TTC17: variants seen among roughly 807,000 people sequenced by gnomAD.
The protein encoded by TTC17 is tetratricopeptide repeat protein 17.
Under a neutral mutation model 143.8 loss-of-function variants are expected in TTC17, and 58 were observed. That is an observed-to-expected ratio of 0.40 (90% CI 0.33 to 0.50). TTC17 has a LOEUF of 0.50. Ranked by LOEUF, TTC17 falls within the 20% of genes least tolerant of loss-of-function variation. The pLI, the probability that TTC17 is intolerant of heterozygous loss-of-function variation, is 0.49. For missense variants in TTC17, 1,273 were observed against 1,392.5 expected (o/e 0.91, Z 1.37); for synonymous variants, 501 against 497.8 (o/e 1.01, Z -0.09).
At chr11:43,433,300 A>T (rs564503524) in intron 16 of TTC17, among the ~76,000 whole-genome samples, 2 of 152,160 alleles carry the variant, frequency 1.3e-5, no homozygotes, top group African/African-American at 4.8e-5. Flanking sequence ...CGCCTGGCCA[A>T]ACTGGTCTGT....
chr11:43,377,065 G>A (rs148419969), intron 1 of TTC17, among the ~76,000 whole-genome samples: 13,272 of 152,154 alleles, frequency 0.087, 891 homozygotes, highest in Admixed American at 0.23. Flanking sequence ...GGGCCGAGGC[G>A]GGCGAATCAC....
chr11:43,480,673 C>T (rs1024447181), intron 21 of TTC17, among the ~76,000 whole-genome samples: 15 of 151,882 alleles, frequency 9.9e-5, no homozygotes, highest in African/African-American at 3.1e-4. Context: ...CAAAGTAGAA[C>T]GTATATTTAA....
rs373121450 is a variant in TTC17 at position 43,448,105 on chromosome 11, T to C, written c.2769T>C (p.Val923=). The C allele has an allele frequency of 4.0e-5, 64 of 1,613,954 alleles. 1 individual carries two copies. The highest frequency in any genetic ancestry group is 5.4e-5 in the Non-Finnish European group (64 of 1,179,974). ...LTAIVSTWLA[V]SSKNIDITEH... ...CCATCGTGAGTACCTGGCTTGCAGT[T>C]TCTTCAAAAAACATTGAGTAAGTAT... is the stretch of plus-strand genomic sequence containing the variant. Residue 923 remains valine (V), a synonymous_variant, in exon 19 of 24, where the codon GTT becomes GTC. Coordinates refer to ENST00000039989, the MANE Select transcript of TTC17 (RefSeq NM_018259.6).
At chr11:43,486,526 A>G (rs1204423815) in intron 21 of TTC17, 1 of 357,468 alleles carries the variant, frequency 2.8e-6, no homozygotes, top group Non-Finnish European at 6.0e-6. Flanking sequence ...AGTCAAGTAT[A>G]CATGTATGTC....
rs1219287794 is a variant in TTC17 at position 43,436,847 on chromosome 11, ACT to A, written c.2252-6472_2252-6471del. 3.3e-5 allele frequency among the ~76,000 whole-genome samples: 5 copies of A among 149,764 alleles called. No individual in the cohort carries two copies. In the East Asian group the frequency reaches 5.9e-4, roughly 18 times the overall value. On this transcript the variant is annotated intron_variant, in intron 16 of 23. Coordinates refer to ENST00000039989, the MANE Select transcript of TTC17 (RefSeq NM_018259.6). ...GCATAACTCATCCCCACTTCTTGAA[ACT>A]CTCTCCTTTCCTCTTGGCTTCTGGA...
At chr11:43,465,766 A>G (rs1947959357) in intron 21 of TTC17, among the ~76,000 whole-genome samples, 1 of 152,228 alleles carries the variant, frequency 6.6e-6, no homozygotes, top group South Asian at 2.1e-4. Flanking sequence ...CCCTTACCTT[A>G]TATCATAGGC....
At chr11:43,371,273 G>A (rs1856558477) in intron 1 of TTC17, among the ~76,000 whole-genome samples, 1 of 152,114 alleles carries the variant, frequency 6.6e-6, no homozygotes, top group African/African-American at 2.4e-5. Context: ...ACCTGGCAGT[G>A]GCATCAGATC....
chr11:43,406,411 A>G (rs948956206), intron 13 of TTC17, among the ~76,000 whole-genome samples: 1 of 152,132 alleles, frequency 6.6e-6, no homozygotes, highest in Non-Finnish European at 1.5e-5. Context: ...CTCTGCAAAC[A>G]TTAGAAGTTC....
At chr11:43,399,802 G>C in intron 8 of TTC17, 86 bp from the exon 9 acceptor site, 1 of 1,393,170 alleles carries the variant, frequency 7.2e-7, no homozygotes, top group Non-Finnish European at 9.7e-7. Context: ...TTGTTGCTGA[G>C]AACCAGAAAA....
At chr11:43,444,574 T>G (rs1472427772) in intron 18 of TTC17, 1 of 160,248 alleles carries the variant, frequency 6.2e-6, no homozygotes, top group Non-Finnish European at 1.4e-5. Flanking sequence ...AAGCAAAGTT[T>G]TTTTGTAGAT....
chr11:43,443,680 C>T, intron 17 of TTC17, 96 bp downstream of exon 17: 1 of 1,462,834 alleles, frequency 6.8e-7, no homozygotes, highest in Non-Finnish European at 9.2e-7. Context: ...ATATGTGGCA[C>T]TACTTGGCTA....
chr11:43,389,888 A>C, intron 3 of TTC17, 67 bp downstream of exon 3: 1 of 1,424,376 alleles, frequency 7.0e-7, no homozygotes, highest in East Asian at 2.3e-5. Flanking sequence ...AATTAGTAAG[A>C]AATTATTTCT....
chr11:43,493,735 G>T, intron 23 of TTC17, 38 bp from the exon 24 acceptor site: 1 of 1,613,628 alleles, frequency 6.2e-7, no homozygotes, highest in Non-Finnish European at 8.5e-7. Context: ...TAGTCTGCTG[G>T]TGCCATCCCC....
At chr11:43,473,597 G>A (rs74763237) in intron 21 of TTC17, among the ~76,000 whole-genome samples, 5,641 of 152,180 alleles carry the variant, frequency 0.037, 124 homozygotes, top group Non-Finnish European at 0.057. Flanking sequence ...GAAATGGGCC[G>A]GGCACAGTAG....
At chr11:43,418,386 C>T (rs1289927153) in intron 16 of TTC17, among the ~76,000 whole-genome samples, 1 of 152,110 alleles carries the variant, frequency 6.6e-6, no homozygotes, top group Non-Finnish European at 1.5e-5. Context: ...TACTTGCCCA[C>T]TCTTGAATTG....
intron 16 of TTC17, among the ~76,000 whole-genome samples, chr11:43,426,495 A>G (rs1227887723): frequency 6.6e-6 from 1 of 152,234 alleles, no homozygotes; most frequent in Non-Finnish European, 1.5e-5. Flanking sequence ...CCCTTGAGGC[A>G]GGATCTGCAA....
At chr11:43,470,629 A>G (rs758546516) in intron 21 of TTC17, among the ~76,000 whole-genome samples, 1 of 152,238 alleles carries the variant, frequency 6.6e-6, no homozygotes, top group African/African-American at 2.4e-5. Context: ...TAGAAGTTTC[A>G]TCCAACATTG....
At chr11:43,464,543 A>G (rs1022019239) in intron 21 of TTC17, among the ~76,000 whole-genome samples, 28 of 152,182 alleles carry the variant, frequency 1.8e-4, no homozygotes, top group Admixed American at 1.6e-3. Context: ...AAAAGCTGGG[A>G]ACAGTATTTT....
intron 1 of TTC17, among the ~76,000 whole-genome samples, chr11:43,364,726 A>G (rs1856261052): frequency 6.6e-6 from 1 of 152,244 alleles, no homozygotes; most frequent in African/African-American, 2.4e-5. Context: ...GCTGTAGGGC[A>G]GTGAGAGGAG....
Sources: allele counts gnomAD v4.1 joint callset (sites outside exome capture counted in the v4.1 genomes callset), GRCh38; gene constraint gnomAD v4.1.1; transcripts MANE v1.5; gene names NCBI Gene and HGNC (gene_info 2026-07-23, HGNC 2026-07-21).